RP2: variants seen among roughly 807,000 people sequenced by gnomAD.
RP2 encodes RP2 activator of ARL3 GTPase.
A neutral mutation model predicts 20.3 loss-of-function variants in RP2; 3 were observed. The ratio of observed to expected loss-of-function variants is 0.15; its 90% confidence interval spans 0.07 to 0.38. The LOEUF (loss-of-function observed/expected upper bound fraction) is 0.38, where lower values mean the gene tolerates loss of function less well. Among genes scored for constraint, RP2 ranks in the 10% least tolerant of loss-of-function variants. The pLI is 1.00. For missense variants in RP2, 233 were observed against 268.5 expected (o/e 0.87, Z 0.92); for synonymous variants, 75 against 94.8 (o/e 0.79, Z 1.22).
chrX:46,866,016 A>G (rs1246288815), intron 3 of RP2, among the ~76,000 whole-genome samples: 3 of 111,253 alleles, frequency 2.7e-5, no homozygotes, highest in Non-Finnish European at 3.8e-5. Context: ...GTTATAATCC[A>G]ATACTATCAA....
chrX:46,877,246 A>T (rs1015583982), intron 3 of RP2, among the ~76,000 whole-genome samples: 2 of 112,455 alleles, frequency 1.8e-5, no homozygotes, highest in African/African-American at 3.2e-5. Context: ...GAAAAGCCAG[A>T]CTATTTACAA....
intron 1 of RP2, among the ~76,000 whole-genome samples, chrX:46,843,047 G>A (rs1427697787): frequency 2.1e-5 from 2 of 94,798 alleles, no homozygotes; most frequent in African/African-American, 8.0e-5. Context: ...TCACTCTGTC[G>A]CCCAGGCTGG....
chrX:46,864,695 G>C (rs1342207136), intron 3 of RP2, among the ~76,000 whole-genome samples: 2 of 111,760 alleles, frequency 1.8e-5, no homozygotes, highest in African/African-American at 6.5e-5. Flanking sequence ...ATAGGCATAA[G>C]CCACCAAGCC....
chrX:46,847,790 G>GTGTGTGTGTACATACACACA (rs1924773431), intron 1 of RP2, among the ~76,000 whole-genome samples: 4 of 80,072 alleles, frequency 5.0e-5, no homozygotes, highest in Admixed American at 1.4e-4. Context: ...ATACACACAT[G>GTGTGTGTGTACATACACACA]TGTGTGTGTA....
intron 2 of RP2, among the ~76,000 whole-genome samples, chrX:46,857,287 C>T (rs1341991406): frequency 4.5e-5 from 5 of 112,055 alleles, no homozygotes; most frequent in East Asian, 2.8e-4. Context: ...TCCAGCCGGG[C>T]GCAGTGGCTC....
At chrX:46,852,283 G>A (rs1055958845) in intron 1 of RP2, among the ~76,000 whole-genome samples, 1 of 111,351 alleles carries the variant, frequency 9.0e-6, no homozygotes, top group Non-Finnish European at 1.9e-5. Context: ...AGGAAGGAAG[G>A]AAGTAGCGAA....
chrX:46,859,863 T>G, intron 2 of RP2, 125 bp from the exon 3 acceptor site: 1 of 529,543 alleles, frequency 1.9e-6, no homozygotes. Context: ...TGAATTAGAC[T>G]TATAATTAAA....
At chrX:46,851,184 G>A (rs781953825) in intron 1 of RP2, among the ~76,000 whole-genome samples, 2 of 111,835 alleles carry the variant, frequency 1.8e-5, no homozygotes, top group Non-Finnish European at 3.8e-5. Context: ...GTGCATGAAT[G>A]GTTTTGCATG....
At chrX:46,869,361 G>A (rs1256139747) in intron 3 of RP2, among the ~76,000 whole-genome samples, 1 of 107,169 alleles carries the variant, frequency 9.3e-6, no homozygotes, top group African/African-American at 3.4e-5. Context: ...CTGCGATGGC[G>A]CGATCTTGGC....
chrX:46,875,036 AT>A (rs1334638498), intron 3 of RP2, among the ~76,000 whole-genome samples: 1 of 110,669 alleles, frequency 9.0e-6, no homozygotes, highest in Non-Finnish European at 1.9e-5. Context: ...TTTTACTTTT[AT>A]TTTTTAATTT....
chrX:46,840,260 G>A (rs1394989945), intron 1 of RP2, among the ~76,000 whole-genome samples: 2 of 112,409 alleles, frequency 1.8e-5, no homozygotes, highest in Non-Finnish European at 3.8e-5. Context: ...GATTACAGGC[G>A]TGAGCCACCG....
chrX:46,859,572 C>A (rs1188417579), intron 2 of RP2, among the ~76,000 whole-genome samples: 3 of 109,389 alleles, frequency 2.7e-5, no homozygotes, highest in Non-Finnish European at 5.7e-5. Flanking sequence ...TTTATTATAA[C>A]ATCTTTGTTG....
chrX:46,867,594 G>A (rs1925198194), intron 3 of RP2, among the ~76,000 whole-genome samples: 1 of 111,542 alleles, frequency 9.0e-6, no homozygotes, highest in East Asian at 2.8e-4. Flanking sequence ...CCATTTTTAA[G>A]TATACAGTTC....
intron 1 of RP2, among the ~76,000 whole-genome samples, chrX:46,840,111 G>A (rs1556314497): frequency 8.9e-6 from 1 of 111,892 alleles, no homozygotes; most frequent in African/African-American, 3.3e-5. Context: ...CTGAGTAGCT[G>A]GAATTACAGG....
intron 3 of RP2, among the ~76,000 whole-genome samples, chrX:46,875,593 G>A (rs1925363031): frequency 9.0e-6 from 1 of 110,758 alleles, no homozygotes; most frequent in East Asian, 2.8e-4. Flanking sequence ...ATGAACTCAT[G>A]ACTTTTTATA....
At chrX:46,874,079 G>A (rs2147088310) in intron 3 of RP2, among the ~76,000 whole-genome samples, 1 of 111,645 alleles carries the variant, frequency 9.0e-6, no homozygotes, top group Non-Finnish European at 1.9e-5. Flanking sequence ...AAGCATATAA[G>A]ACAAACATTG....
intron 3 of RP2, among the ~76,000 whole-genome samples, chrX:46,865,136 T>C (rs1925148512): frequency 1.8e-5 from 2 of 112,519 alleles, no homozygotes; most frequent in Non-Finnish European, 3.7e-5. Flanking sequence ...TTTACATTGG[T>C]AAAATGCTAA....
chrX:46,858,824 C>T (rs1925014164), intron 2 of RP2, among the ~76,000 whole-genome samples: 1 of 111,194 alleles, frequency 9.0e-6, no homozygotes, highest in Non-Finnish European at 1.9e-5. Flanking sequence ...TTAATATGCC[C>T]TCATTGTGGA....
At chrX:46,873,155 C>T (rs1207237279) in intron 3 of RP2, among the ~76,000 whole-genome samples, 2 of 111,391 alleles carry the variant, frequency 1.8e-5, no homozygotes, top group African/African-American at 3.3e-5. Context: ...TGTCACTGGT[C>T]GCTTTAATGG....
Sources: gnomAD v4.1 joint callset for allele counts (sites outside exome capture counted in the v4.1 genomes callset) on GRCh38, gnomAD v4.1.1 for gene constraint, MANE v1.5 for transcripts, NCBI Gene and HGNC (gene_info 2026-07-23, HGNC 2026-07-21) for gene names.